Variants in SLCO1B3 observed in about 807,000 individuals in gnomAD.
SLCO1B3 encodes solute carrier organic anion transporter family member 1B3.
Under a neutral mutation model 71.8 loss-of-function variants are expected in SLCO1B3, and 72 were observed. That is an observed-to-expected ratio of 1.00 (90% CI 0.83 to 1.22). SLCO1B3 has a LOEUF of 1.22. Among genes scored for constraint, SLCO1B3 ranks in the 50% most tolerant of loss-of-function variants. The probability of loss-of-function intolerance (pLI) is 0.00; values close to 1 mark genes in which losing one functional copy is unlikely to be tolerated. For missense variants in SLCO1B3, 911 were observed against 819.7 expected (o/e 1.11, Z -1.36); for synonymous variants, 298 against 278.4 (o/e 1.07, Z -0.70).
chr12:20,866,393 T>TAGTTG (rs1865373786), intron 8 of SLCO1B3, among the ~76,000 whole-genome samples: 1 of 152,132 alleles, frequency 6.6e-6, no homozygotes, highest in East Asian at 1.9e-4. Flanking sequence ...GCTTTTTATA[T>TAGTTG]CATATTGAAA....
chr12:20,872,390 A>G lies in SLCO1B3; in HGVS notation c.728-2845A>G, dbSNP rs1248023923. Among the ~76,000 whole-genome samples, 6 of 151,776 alleles carry G rather than the reference A, an allele frequency of 4.0e-5. No homozygotes were observed. The East Asian group carries it at 1.2e-3, about 30-fold the overall frequency. ...TTTCCAAGAGCTTAGTCCTGGACTC[A>G]GGGACCCCAAAAGCCTTCTTGTTGC... On this transcript the variant is annotated intron_variant, in intron 8 of 15. Coordinates refer to ENST00000381545, the MANE Select transcript of SLCO1B3 (RefSeq NM_019844.4).
chr12:20,820,432 C>G (rs1864274282), intron 3 of SLCO1B3, among the ~76,000 whole-genome samples: 2 of 152,144 alleles, frequency 1.3e-5, no homozygotes, highest in Admixed American at 6.6e-5. Context: ...GCGGGCATTA[C>G]TTGGCCTGGT....
At chr12:20,874,785 C>G (rs1334510326) in intron 8 of SLCO1B3, among the ~76,000 whole-genome samples, 1 of 152,108 alleles carries the variant, frequency 6.6e-6, no homozygotes, top group East Asian at 1.9e-4. Flanking sequence ...TGGATGGAAG[C>G]TCCTTTATTG....
At chr12:20,889,872 T>G (rs374983926) in intron 13 of SLCO1B3, among the ~76,000 whole-genome samples, 7 of 151,906 alleles carry the variant, frequency 4.6e-5, no homozygotes, top group Non-Finnish European at 1.0e-4. Context: ...TCTCAGAGGT[T>G]TTGGTATGTT....
intron 13 of SLCO1B3, among the ~76,000 whole-genome samples, chr12:20,887,475 G>A (rs1397975463): frequency 2.0e-5 from 3 of 151,936 alleles, no homozygotes; most frequent in Admixed American, 6.6e-5. Context: ...GATTAGTGAT[G>A]TTGGGCATTT....
intron 13 of SLCO1B3, among the ~76,000 whole-genome samples, chr12:20,895,160 G>A (rs1189007744): frequency 1.3e-5 from 2 of 152,090 alleles, no homozygotes; most frequent in Non-Finnish European, 2.9e-5. Flanking sequence ...ATTTGGTGGG[G>A]ACACAGAGCC....
chr12:20,827,815 G>A (rs7977193), intron 3 of SLCO1B3, among the ~76,000 whole-genome samples: 80,388 of 151,592 alleles, frequency 0.53, 21,923 homozygotes, highest in East Asian at 0.75. Flanking sequence ...TGATCCGCCC[G>A]CCTTGGCCTT....
In SLCO1B3 at chr12:20,861,049, C is replaced by T. The variant is rs868695861; in HGVS notation, c.392C>T (p.Pro131Leu). ...TATTCTAAAGAAACCCATATTAATCCATCAGAAAATTCAACATCAAGTTTA... is the reference window on the plus strand; with the variant it reads ...TATTCTAAAGAAACCCATATTAATCTATCAGAAAATTCAACATCAAGTTTA... ...YRYSKETHIN[P>L]SENSTSSLST... The change falls in exon 6 of 16, where the codon CCA (proline) becomes CTA (leucine). Residue 131 changes from proline to leucine, a missense_variant. Transcript: ENST00000381545. 3.1e-6 allele frequency: 5 copies of T among 1,596,554 alleles called. No homozygotes were observed. Among genetic ancestry groups the T allele is most frequent in the Non-Finnish European group, 4.3e-6 (5 of 1,168,282 alleles).
chr12:20,883,357 T>C (rs1865728852), intron 12 of SLCO1B3, 61 bp from the exon 13 acceptor site: 1 of 900,422 alleles, frequency 1.1e-6, no homozygotes, highest in South Asian at 2.3e-5. Flanking sequence ...TAATGGAATG[T>C]ATTCATAGCC....
chr12:20,829,306 T>C (rs1864491298), intron 3 of SLCO1B3, among the ~76,000 whole-genome samples: 1 of 152,172 alleles, frequency 6.6e-6, no homozygotes, highest in African/African-American at 2.4e-5. Context: ...TGCCTAGGAA[T>C]GGGGCCCAGG....
At chr12:20,814,754 T>A (rs932741909) in intron 2 of SLCO1B3, among the ~76,000 whole-genome samples, 2 of 151,840 alleles carry the variant, frequency 1.3e-5, no homozygotes, top group Non-Finnish European at 2.9e-5. Flanking sequence ...AGCCGGGCGT[T>A]GTGGCACGCA....
At chr12:20,910,674 AT>A (rs1284446277) in intron 15 of SLCO1B3, among the ~76,000 whole-genome samples, 1 of 151,988 alleles carries the variant, frequency 6.6e-6, no homozygotes, top group African/African-American at 2.4e-5. Flanking sequence ...TTTTGTATAT[AT>A]TTTGCTAAAT....
chr12:20,857,006 G>A (rs1470296782), intron 4 of SLCO1B3, among the ~76,000 whole-genome samples: 2 of 152,068 alleles, frequency 1.3e-5, no homozygotes, highest in East Asian at 3.8e-4. Flanking sequence ...TATTTTCTAA[G>A]CCCTTGCCTG....
chr12:20,887,466 A>T (rs538326763), intron 13 of SLCO1B3, among the ~76,000 whole-genome samples: 1 of 152,078 alleles, frequency 6.6e-6, no homozygotes, highest in Admixed American at 6.6e-5. Context: ...TTCTCTGATG[A>T]TTAGTGATGT....
chr12:20,816,848 C>G (rs1565575445), intron 3 of SLCO1B3, among the ~76,000 whole-genome samples: 1 of 152,132 alleles, frequency 6.6e-6, no homozygotes, highest in Non-Finnish European at 1.5e-5. Context: ...ACTCCACAAC[C>G]TCACCAGCAT....
chr12:20,877,672 A>G (rs1865608114), intron 9 of SLCO1B3, 100 bp from the exon 10 acceptor site: 6 of 470,446 alleles, frequency 1.3e-5, no homozygotes, highest in Non-Finnish European at 2.0e-5. Context: ...AAGCCTCACA[A>G]ATCATTTGTA....
chr12:20,851,047 T>C (rs539316302), intron 3 of SLCO1B3, among the ~76,000 whole-genome samples: 52 of 152,330 alleles, frequency 3.4e-4, no homozygotes, highest in South Asian at 1.7e-3. Context: ...TGCATTATCA[T>C]ATTTTATTTA....
intron 3 of SLCO1B3, among the ~76,000 whole-genome samples, chr12:20,838,542 T>C (rs1231507589): frequency 6.6e-6 from 1 of 152,048 alleles, no homozygotes; most frequent in African/African-American, 2.4e-5. Context: ...TTTGCAAACA[T>C]CATAGACTGT....
chr12:20,877,939 A>G lies in SLCO1B3; in HGVS notation c.1135+3A>G, dbSNP rs749827852. ...ATCTCATGCTAACTTTTTGTTGGGT[A>G]AGACATATTTTTTACCTGTTTGCTT... is the stretch of plus-strand genomic sequence containing the variant. On this transcript the variant is annotated splice_donor_region_variant and intron_variant, in intron 10 of 15. Transcript: ENST00000381545. 10 of 1,582,134 alleles carry G rather than the reference A, an allele frequency of 6.3e-6. No individual in the cohort carries two copies. Among genetic ancestry groups the G allele is most frequent in the Admixed American group, 3.6e-5 (2 of 55,098 alleles).
Sources: allele counts gnomAD v4.1 joint callset (sites outside exome capture counted in the v4.1 genomes callset), GRCh38; gene constraint gnomAD v4.1.1; transcripts MANE v1.5; gene names NCBI Gene and HGNC (gene_info 2026-07-23, HGNC 2026-07-21).